VPS13A: variants seen among roughly 807,000 people sequenced by gnomAD.
VPS13A encodes vacuolar protein sorting 13 homolog A.
A neutral mutation model predicts 390.9 loss-of-function variants in VPS13A; 264 were observed. The ratio of observed to expected loss-of-function variants is 0.68; its 90% CI spans 0.61 to 0.75. VPS13A has a LOEUF of 0.75. VPS13A is among the 30% of genes least tolerant of loss of function. The pLI is 0.00. For synonymous variants in VPS13A, 1,231 were observed against 1,227.1 expected (o/e 1.00, Z -0.07); for missense variants, 3,409 against 3,733.9 (o/e 0.91, Z 2.27).
chr9:77,400,609 G>A (rs550357368), intron 68 of VPS13A, among the ~76,000 whole-genome samples: 1 of 151,666 alleles, frequency 6.6e-6, no homozygotes, highest in Non-Finnish European at 1.5e-5. Flanking sequence ...GGGCAGATCA[G>A]GAGGTCAGGA....
chr9:77,240,478 GT>G (rs11351060), intron 19 of VPS13A, among the ~76,000 whole-genome samples: 42,029 of 125,878 alleles, frequency 0.33, 6,385 homozygotes, highest in East Asian at 0.61. Flanking sequence ...TTATGTTTTT[GT>G]TTTTTTTTTT....
At chr9:77,374,630 C>T (rs1175484541) in intron 67 of VPS13A, among the ~76,000 whole-genome samples, 3 of 152,170 alleles carry the variant, frequency 2.0e-5, no homozygotes, top group African/African-American at 7.2e-5. Flanking sequence ...ACTGACACTG[C>T]AGAAAGCAGA....
chr9:77,385,936 T>C (rs900767997), intron 68 of VPS13A, among the ~76,000 whole-genome samples: 25 of 152,136 alleles, frequency 1.6e-4, no homozygotes, highest in Non-Finnish European at 2.9e-5. Flanking sequence ...AAAAATCAGC[T>C]TTTTTGAAAT....
chr9:77,232,066 T>C (rs1004918118), intron 17 of VPS13A, among the ~76,000 whole-genome samples: 5 of 152,178 alleles, frequency 3.3e-5, no homozygotes, highest in Admixed American at 3.3e-4. Flanking sequence ...CATAGATGTA[T>C]GTATGGCTTT....
intron 71 of VPS13A, among the ~76,000 whole-genome samples, chr9:77,413,679 G>C (rs1835043276): frequency 1.3e-5 from 2 of 152,152 alleles, no homozygotes; most frequent in South Asian, 4.1e-4. Flanking sequence ...ACATAGGCAT[G>C]GGCAAGGACT....
chr9:77,318,366 A>C lies in VPS13A; in HGVS notation c.5088A>C (p.Lys1696Asn). Residue 1696 changes from lysine to asparagine, a missense_variant, in exon 41 of 72, where the codon AAA becomes AAC. By Grantham distance (94) the Lys-to-Asn change is moderately conservative. Around this residue, in one of 5 missense-constraint regions of VPS13A, gnomAD observed 2,717 missense variants for 2,917.4 expected, o/e 0.93. Transcript: ENST00000360280. ...LWEKKDTKTL[K>N]MWFLEESNET... ...AAAAGAAGGATACAAAGACTTTAAA[A>C]ATGTGGTTTCTTGAAGAATCAAATG... 1.2e-6 allele frequency: 2 copies of C among 1,613,938 alleles called. No homozygotes were observed. The highest frequency in any genetic ancestry group is 1.7e-6 in the Non-Finnish European group (2 of 1,179,928).
intron 23 of VPS13A, among the ~76,000 whole-genome samples, chr9:77,266,043 T>C (rs1826019615): frequency 6.6e-6 from 1 of 152,208 alleles, no homozygotes; most frequent in African/African-American, 2.4e-5. Context: ...CTTAATTTCA[T>C]TATTTACCCA....
chr9:77,402,946 ATAGT>A (rs1378591932), intron 68 of VPS13A, among the ~76,000 whole-genome samples: 2 of 152,330 alleles, frequency 1.3e-5, no homozygotes, highest in East Asian at 3.9e-4. Flanking sequence ...AGTCACTGTA[ATAGT>A]TAAATACCTC....
intron 19 of VPS13A, among the ~76,000 whole-genome samples, chr9:77,246,180 A>G (rs1185506621): frequency 6.6e-6 from 1 of 152,132 alleles, no homozygotes; most frequent in Non-Finnish European, 1.5e-5. Flanking sequence ...GGCTTAGGTT[A>G]TTTATTTTCT....
At chr9:77,369,533 C>T (rs562674126) in intron 63 of VPS13A, 121 bp downstream of exon 63, 3 of 742,314 alleles carry the variant, frequency 4.0e-6, no homozygotes, top group African/African-American at 1.7e-5. Context: ...CACAAAAGGA[C>T]ATCATTTTGC....
Position 77,359,373 on chromosome 9 carries a change from T to C in VPS13A, c.8076T>C (p.Ser2692=). Residue 2692 remains serine, a synonymous_variant, in exon 58 of 72, where the codon TCT becomes TCC. Coordinates refer to ENST00000360280, the MANE Select transcript of VPS13A (RefSeq NM_033305.3). ...PFTDVSIVMR[S]AGHSQISRIK... ...CAGATGTCAGTATTGTCATGAGATC[T>C]GCAGGACATTCCCAGATATCACGTA... is the stretch of plus-strand genomic sequence containing the variant. 6.2e-7 allele frequency: 1 copy of C among 1,613,506 alleles called. No individual in the cohort carries two copies. The highest frequency in any genetic ancestry group is 8.5e-7 in the Non-Finnish European group (1 of 1,179,612).
At chr9:77,318,156 CATAAT>C (rs1829517509) in intron 40 of VPS13A, 74 bp from the exon 41 acceptor site, 4 of 754,108 alleles carry the variant, frequency 5.3e-6, no homozygotes, top group Admixed American at 3.2e-5. Context: ...TTTAATTTCT[CATAAT>C]ATATATTTAA....
intron 22 of VPS13A, among the ~76,000 whole-genome samples, chr9:77,254,792 T>TG (rs1375807644): frequency 6.6e-6 from 1 of 152,170 alleles, no homozygotes; most frequent in East Asian, 1.9e-4. Context: ...TTAAAAATTT[T>TG]GGGGGGATTG....
chr9:77,275,501 C>T lies in VPS13A; in HGVS notation c.2516C>T (p.Ser839Leu). ...LELPSVSEDDSEEEFFDAPCS... is the reference protein window; with the variant it reads ...LELPSVSEDDLEEEFFDAPCS... ...AATAATGTTCTGTGAAATGTAGATTCAGAGGAGGAATTTTTTGATGCACCA... is the reference window on the plus strand; with the variant it reads ...AATAATGTTCTGTGAAATGTAGATTTAGAGGAGGAATTTTTTGATGCACCA... The change falls in exon 25 of 72, where the codon TCA (serine) becomes TTA (leucine). Residue 839 changes from serine (S) to leucine (L), a missense_variant. This residue lies in a region of VPS13A where 2,717 missense variants were observed against 2,917.4 expected (regional missense o/e 0.93). Transcript: ENST00000360280. 1.2e-6 allele frequency: 2 copies of T among 1,613,314 alleles called. No individual in the cohort carries two copies. Among genetic ancestry groups the T allele is most frequent in the Non-Finnish European group, 1.7e-6 (2 of 1,179,536 alleles).
At chr9:77,365,610 A>G (rs1401750255) in intron 60 of VPS13A, 37 bp downstream of exon 60, 1 of 1,295,440 alleles carries the variant, frequency 7.7e-7, no homozygotes. Context: ...TTGATAATCT[A>G]GGTAATAGCA....
In VPS13A at chr9:77,295,528, C is replaced by T. The variant is rs1381417563; in HGVS notation, c.3508-14C>T. On this transcript the variant is annotated splice_polypyrimidine_tract_variant and intron_variant, in intron 32 of 71. Coordinates refer to ENST00000360280, the MANE Select transcript of VPS13A (RefSeq NM_033305.3). ...TATTAATAACCTTAAGAATATAATT[C>T]TGTTATCTTACAGGCTTTTATAGAT... 1 of 1,586,028 alleles carries T rather than the reference C, an allele frequency of 6.3e-7. No homozygotes were observed. Among genetic ancestry groups the T allele is most frequent in the Admixed American group, 1.7e-5 (1 of 57,510 alleles).
chr9:77,295,495 G>A, intron 32 of VPS13A, 47 bp from the exon 33 acceptor site: 4 of 1,441,400 alleles, frequency 2.8e-6, no homozygotes, highest in Non-Finnish European at 3.7e-6. Flanking sequence ...TATTTAATAA[G>A]TCGTATTTAT....
chr9:77,229,953 C>T (rs1468400944), intron 17 of VPS13A, among the ~76,000 whole-genome samples: 1 of 152,132 alleles, frequency 6.6e-6, no homozygotes, highest in Non-Finnish European at 1.5e-5. Flanking sequence ...CTTTTGATTA[C>T]AGCCATTCTA....
At chr9:77,228,788 G>T (rs77899873) in intron 17 of VPS13A, among the ~76,000 whole-genome samples, 1 of 152,160 alleles carries the variant, frequency 6.6e-6, no homozygotes, top group African/African-American at 2.4e-5. Flanking sequence ...CATGGCTGGG[G>T]AGGCCTCAGA....
Sources: gnomAD v4.1 joint callset for allele counts (sites outside exome capture counted in the v4.1 genomes callset) on GRCh38, gnomAD v4.1.1 for gene constraint, gnomAD v4.1.1 regional missense constraint, MANE v1.5 for transcripts, NCBI Gene and HGNC (gene_info 2026-07-23, HGNC 2026-07-21) for gene names.